MBD5: variants seen among roughly 807,000 people sequenced by gnomAD.
MBD5 encodes methyl-CpG binding domain protein 5, also known as methyl-CpG-binding domain protein 5.
A neutral mutation model predicts 117.3 loss-of-function variants in MBD5; 13 were observed. That is an observed-to-expected ratio of 0.11 (90% CI 0.07 to 0.18). MBD5 has a LOEUF of 0.18. Among genes scored for constraint, MBD5 ranks in the 10% least tolerant of loss-of-function variants. The pLI is 1.00. For missense variants in MBD5, 1,879 were observed against 2,093.8 expected, an observed-to-expected ratio of 0.90 and a Z score of 2.00; for synonymous variants, 727 against 766.4, an observed-to-expected ratio of 0.95 and a Z score of 0.85.
At position 148,458,876 on chromosome 2, in the gene MBD5, G is replaced by A; in HGVS notation, c.113+5G>A. ...AAATGGAGTGCTTTATGTCAGGTAA[G>A]TTCTTATTATTACCTGTGGTACCTG... On this transcript the variant is annotated splice_donor_5th_base_variant and intron_variant, in intron 5 of 13. Coordinates refer to ENST00000642680, the MANE Select transcript of MBD5 (RefSeq NM_001378120.1). The A allele has an allele frequency of 1.2e-6, 2 of 1,607,352 alleles. No homozygotes were observed. Among genetic ancestry groups the A allele is most frequent in the South Asian group, 1.1e-5 (1 of 90,962 alleles).
At chr2:148,330,120 C>CACACACACA (rs1553501700) in intron 3 of MBD5, among the ~76,000 whole-genome samples, 5 of 145,510 alleles carry the variant, frequency 3.4e-5, no homozygotes, top group Non-Finnish European at 6.0e-5. Flanking sequence ...CACACACACT[C>CACACACACA]TACCTTAGGC....
intron 1 of MBD5, among the ~76,000 whole-genome samples, chr2:148,155,796 G>A (rs766797155): frequency 6.6e-6 from 1 of 152,206 alleles, no homozygotes; most frequent in Admixed American, 6.5e-5. Context: ...CTGGTTTATA[G>A]AGACTGTTAA....
intron 8 of MBD5, 130 bp downstream of exon 8, chr2:148,470,591 A>C (rs1162073482): frequency 2.7e-6 from 2 of 753,898 alleles, no homozygotes. Flanking sequence ...TCATTTCTTT[A>C]GTATTTATAA....
intron 7 of MBD5, among the ~76,000 whole-genome samples, chr2:148,465,888 T>A (rs968055140): frequency 2.0e-5 from 3 of 152,142 alleles, no homozygotes; most frequent in East Asian, 1.9e-4. Flanking sequence ...TCATATAGAT[T>A]TACCAGTTTC....
At chr2:148,158,813 G>C (rs1421963161) in intron 1 of MBD5, among the ~76,000 whole-genome samples, 1 of 152,196 alleles carries the variant, frequency 6.6e-6, no homozygotes, top group Non-Finnish European at 1.5e-5. Flanking sequence ...TCCGCCTCCC[G>C]GGTTCAAGTC....
At chr2:148,142,287 C>G (rs1398313513) in intron 1 of MBD5, among the ~76,000 whole-genome samples, 2 of 152,104 alleles carry the variant, frequency 1.3e-5, no homozygotes, top group African/African-American at 4.8e-5. Context: ...AATACCCACA[C>G]TCAGGAATAT....
At chr2:148,382,167 T>C (rs1051506022) in intron 4 of MBD5, among the ~76,000 whole-genome samples, 3 of 105,908 alleles carry the variant, frequency 2.8e-5, no homozygotes, top group East Asian at 4.7e-4. Context: ...GACTGGCAAA[T>C]TGGATAGTCA....
intron 1 of MBD5, among the ~76,000 whole-genome samples, chr2:148,175,625 T>A (rs564442062): frequency 8.5e-5 from 13 of 152,298 alleles, no homozygotes; most frequent in African/African-American, 3.1e-4. Flanking sequence ...TCCAGAGTTA[T>A]TGGAGATTTT....
At chr2:148,323,298 A>G (rs1202788333) in intron 3 of MBD5, among the ~76,000 whole-genome samples, 2 of 152,174 alleles carry the variant, frequency 1.3e-5, no homozygotes, top group South Asian at 2.1e-4. Flanking sequence ...TAATGCTGCA[A>G]TAAACATATG....
In MBD5 at chr2:148,332,596, T is replaced by C. The variant is rs568377528; in HGVS notation, c.-679-9618T>C. Among the ~76,000 whole-genome samples, 4 of 152,340 alleles carry C rather than the reference T, an allele frequency of 2.6e-5. No homozygotes were observed. In the East Asian group the frequency reaches 7.7e-4, roughly 29 times the overall value. ...TAGGATTCTGGTTTGTAATTCATTT[T>C]CTTTCTGAATTTTTATGTCTTCCCT... is the stretch of plus-strand genomic sequence containing the variant. On this transcript the variant is annotated intron_variant, in intron 3 of 13. Coordinates refer to ENST00000642680, the MANE Select transcript of MBD5 (RefSeq NM_001378120.1).
intron 5 of MBD5, among the ~76,000 whole-genome samples, chr2:148,462,075 A>C (rs6728931): frequency 6.6e-6 from 1 of 151,998 alleles, no homozygotes; most frequent in Admixed American, 6.6e-5. Context: ...CTGTTTTTAC[A>C]TAGGGACAAC....
At chr2:148,248,746 G>A (rs544254961) in intron 3 of MBD5, among the ~76,000 whole-genome samples, 41 of 152,112 alleles carry the variant, frequency 2.7e-4, no homozygotes, top group Non-Finnish European at 8.8e-5. Flanking sequence ...TTAATATAAC[G>A]CTTTAGTGAT....
rs1681249124 is a variant in MBD5, at chr2:148,483,886, G to A, written c.3295G>A (p.Ala1099Thr). The A allele has an allele frequency of 1.9e-6, 3 of 1,550,520 alleles. No homozygotes were observed. Among genetic ancestry groups the A allele is most frequent in the Non-Finnish European group, 8.7e-7 (1 of 1,146,968 alleles). Residue 1099 changes from alanine to threonine, a missense_variant, in exon 9 of 14, where the codon GCC becomes ACC. Physicochemically the swap from Ala to Thr is moderately conservative, Grantham distance 58. This residue lies in a region of MBD5 where 1,666 missense variants were observed against 1,792.2 expected (regional missense o/e 0.93). Coordinates refer to ENST00000642680, the MANE Select transcript of MBD5 (RefSeq NM_001378120.1). ...LLGGVLNSAS[A>T]NTANHPEVSI... ...GGGAGGTGTCCTGAACTCGGCATCGGCCAACACCGCTAATCATCCAGAGGT... is the reference window on the plus strand; with the variant it reads ...GGGAGGTGTCCTGAACTCGGCATCGACCAACACCGCTAATCATCCAGAGGT...
chr2:148,412,303 T>TGTGTGG (rs371452995), intron 4 of MBD5, among the ~76,000 whole-genome samples: 1 of 138,118 alleles, frequency 7.2e-6, no homozygotes, highest in Admixed American at 7.2e-5. Context: ...TGTGTGTGTG[T>TGTGTGG]AGAGAGAGAG....
At chr2:148,082,446 A>G (rs1379025261) in intron 1 of MBD5, among the ~76,000 whole-genome samples, 1 of 152,130 alleles carries the variant, frequency 6.6e-6, no homozygotes, top group Non-Finnish European at 1.5e-5. Context: ...TGGATTATTC[A>G]TCATCTTAGA....
chr2:148,410,494 A>T (rs1434163567), intron 4 of MBD5, among the ~76,000 whole-genome samples: 2 of 152,130 alleles, frequency 1.3e-5, no homozygotes, highest in Non-Finnish European at 2.9e-5. Context: ...CAGTGGCGTG[A>T]TGTCAGCTCG....
chr2:148,329,168 G>C (rs549552002), intron 3 of MBD5, among the ~76,000 whole-genome samples: 15 of 152,308 alleles, frequency 9.8e-5, no homozygotes, highest in Non-Finnish European at 1.8e-4. Context: ...GGATATATCA[G>C]ATGGAGCAAA....
chr2:148,120,431 A>G (rs11897174), intron 1 of MBD5, among the ~76,000 whole-genome samples: 2 of 152,178 alleles, frequency 1.3e-5, no homozygotes, highest in African/African-American at 2.4e-5. Context: ...GAAATGTAAC[A>G]TGTCTTTTCA....
intron 1 of MBD5, among the ~76,000 whole-genome samples, chr2:148,096,430 T>C (rs1696069723): frequency 6.6e-6 from 1 of 152,154 alleles, no homozygotes. Flanking sequence ...ATGTCAACAA[T>C]GTGAGGTTAA....
Sources: gnomAD v4.1 joint callset for allele counts (sites outside exome capture counted in the v4.1 genomes callset) on GRCh38, gnomAD v4.1.1 for gene constraint, gnomAD v4.1.1 regional missense constraint, MANE v1.5 for transcripts, NCBI Gene and HGNC (gene_info 2026-07-23, HGNC 2026-07-21) for gene names.